The following BCAN variants were observed in gnomAD, a reference collection of about 807,000 sequenced individuals.
The protein encoded by BCAN is brevican core protein.
A neutral mutation model predicts 92.4 loss-of-function variants in BCAN; 51 were observed. The observed-to-expected ratio is 0.55, with a 90% confidence interval of 0.44 to 0.70. The LOEUF (loss-of-function observed/expected upper bound fraction) is 0.70. Among genes scored for constraint, BCAN ranks in the 30% least tolerant of loss-of-function variants. The probability of loss-of-function intolerance (pLI) is 0.00; values close to 1 mark genes in which losing one functional copy is unlikely to be tolerated. For missense variants in BCAN, 1,140 were observed against 1,212.1 expected (o/e 0.94, Z 0.88); for synonymous variants, 501 against 505.2 (o/e 0.99, Z 0.11).
intron 8 of BCAN, among the ~76,000 whole-genome samples, chr1:156,655,000 G>C (rs1288047026): frequency 2.0e-5 from 3 of 152,260 alleles, no homozygotes. Context: ...CCACCAGGCA[G>C]TGGGACCTGT....
intron 8 of BCAN, among the ~76,000 whole-genome samples, chr1:156,655,805 C>CTGT (rs1202028106): frequency 5.3e-5 from 8 of 152,218 alleles, no homozygotes; most frequent in Non-Finnish European, 8.8e-5. Context: ...CACTTCCATT[C>CTGT]ATTCCACCTG....
chr1:156,652,073 A>G (rs867568048), intron 7 of BCAN, among the ~76,000 whole-genome samples, 175 bp from the exon 8 acceptor site: 1 of 152,156 alleles, frequency 6.6e-6, no homozygotes, highest in African/African-American at 2.4e-5. Flanking sequence ...CCTCAACAAT[A>G]TGGCTGGGGT....
intron 2 of BCAN, 39 bp from the exon 3 acceptor site, chr1:156,646,762 C>G (rs1007170214): frequency 2.6e-6 from 4 of 1,513,302 alleles, no homozygotes; most frequent in South Asian, 2.7e-5. Flanking sequence ...CTCTGAGGGT[C>G]GACAGCGTTA....
In BCAN at chr1:156,652,271, C is replaced by G; in HGVS notation, c.1321C>G (p.Pro441Ala). The part of the protein sequence containing the change: ...LLEFETQSMV[P>A]PTGFSEEEGK... ...AGAATTTGAAACACAATCCATGGTACCGCCCACGGGGTTCTCAGAAGAGGA... is the reference window on the plus strand; with the variant it reads ...AGAATTTGAAACACAATCCATGGTAGCGCCCACGGGGTTCTCAGAAGAGGA... Residue 441 changes from proline to alanine, a missense_variant, in exon 8 of 14, where the codon CCG (proline) becomes GCG (alanine). Coordinates refer to ENST00000329117, the MANE Select transcript of BCAN (RefSeq NM_021948.5). 6.2e-7 allele frequency: 1 copy of G among 1,601,658 alleles called. No individual in the cohort carries two copies. The highest frequency in any genetic ancestry group is 8.5e-7 in the Non-Finnish European group (1 of 1,174,480).
chr1:156,651,594 C>A lies in BCAN; in HGVS notation c.1202C>A (p.Ser401Tyr). Residue 401 changes from serine to tyrosine, a missense_variant, in exon 7 of 14, where the codon TCC (serine) becomes TAC (tyrosine). Around this residue, in one of 3 missense-constraint regions of BCAN, gnomAD observed 825 missense variants for 871.8 expected, o/e 0.95. Transcript: ENST00000329117. ...QLPQEATESE[S>Y]RGAIYSIPIM... is the part of the protein sequence containing the mutation. Reference sequence around the variant, plus strand: ...CCTCAGGAAGCCACAGAGAGTGAATCCCGTGGGGCCATCTACTCCATCCCC... The same window carrying A: ...CCTCAGGAAGCCACAGAGAGTGAATACCGTGGGGCCATCTACTCCATCCCC... 6.2e-7 allele frequency: 1 copy of A among 1,613,940 alleles called. No homozygotes were observed. The highest frequency in any genetic ancestry group is 1.1e-5 in the South Asian group (1 of 91,076).
chr1:156,650,431 T>G (rs941063858), intron 6 of BCAN, among the ~76,000 whole-genome samples: 1 of 152,174 alleles, frequency 6.6e-6, no homozygotes, highest in African/African-American at 2.4e-5. Flanking sequence ...CTTAGCCCAA[T>G]TCCACCTTCA....
Position 156,647,840 on chromosome 1 carries a change from A to C in BCAN, c.642-143A>C, listed in dbSNP as rs1468777446. 6.5e-7 allele frequency: 1 copy of C among 1,534,478 alleles called. No homozygotes were observed. On this transcript the variant is annotated intron_variant, in intron 4 of 13. Coordinates refer to ENST00000329117, the MANE Select transcript of BCAN (RefSeq NM_021948.5). The surrounding 1 kb of genome is among the most constrained non-coding windows in gnomAD (Gnocchi z 4.8). ...AGGAGGGGAGGTGAGGACCCTGAGCATGTGCATCCCTGCAGTGCTAGAAGG... is the reference window on the plus strand; with the variant it reads ...AGGAGGGGAGGTGAGGACCCTGAGCCTGTGCATCCCTGCAGTGCTAGAAGG...
In BCAN at chr1:156,658,344, T is replaced by C; in HGVS notation, c.2437+73T>C. 1 of 1,572,110 alleles carries C rather than the reference T, an allele frequency of 6.4e-7. No individual in the cohort carries two copies. The highest frequency in any genetic ancestry group is 2.2e-5 in the East Asian group (1 of 44,568). On this transcript the variant is annotated intron_variant, in intron 12 of 13. Coordinates refer to ENST00000329117, the MANE Select transcript of BCAN (RefSeq NM_021948.5). This position sits in a 1 kb window ranked among gnomAD's most constrained non-coding sequence, Gnocchi z 4.4. ...CTAGGGGACCAGAGGGACTGATGTT[T>C]GTAGACAGAGAGTGCAAAGCAACAT... is the stretch of plus-strand genomic sequence containing the variant.
At chr1:156,657,590 A>G (rs1014124227) in intron 10 of BCAN, 85 bp from the exon 11 acceptor site, 6 of 1,117,244 alleles carry the variant, frequency 5.4e-6, no homozygotes, top group Non-Finnish European at 7.8e-6. Context: ...AGGGTTTCCA[A>G]GGCAGTCACC....
chr1:156,653,587 G>C (rs1457376483), intron 8 of BCAN: 2 of 962,856 alleles, frequency 2.1e-6, no homozygotes, highest in East Asian at 1.2e-4. Context: ...CCCTGTCTCT[G>C]TGTGTGTCTT....
In BCAN at chr1:156,648,706, C is replaced by T. The variant is rs771470338; in HGVS notation, c.908C>T (p.Pro303Leu). Residue 303 changes from proline to leucine, a missense_variant, in exon 6 of 14, where the codon CCA becomes CTA. Pro to Leu is a moderately conservative substitution (Grantham distance 98). This residue lies in a region of BCAN where 825 missense variants were observed against 871.8 expected (regional missense o/e 0.95). Transcript: ENST00000329117. Reference sequence around the variant, plus strand: ...GATGGTGGCCTGGACCACTGCAGCCCAGGGTGGCTAGCTGATGGCAGTGTG... The same window carrying T: ...GATGGTGGCCTGGACCACTGCAGCCTAGGGTGGCTAGCTGATGGCAGTGTG... ...AWDGGLDHCS[P>L]GWLADGSVRY... The T allele has an allele frequency of 3.7e-6, 6 of 1,613,752 alleles. No individual in the cohort carries two copies. Among genetic ancestry groups the T allele is most frequent in the Non-Finnish European group, 4.2e-6 (5 of 1,179,702 alleles).
At position 156,658,343 on chromosome 1, in the gene BCAN, T is replaced by C. The variant is rs1679410124; in HGVS notation, c.2437+72T>C. 6.4e-7 allele frequency: 1 copy of C among 1,572,730 alleles called. No homozygotes were observed. Among genetic ancestry groups the C allele is most frequent in the Non-Finnish European group, 8.7e-7 (1 of 1,156,008 alleles). ...GCTAGGGGACCAGAGGGACTGATGT[T>C]TGTAGACAGAGAGTGCAAAGCAACA... On this transcript the variant is annotated intron_variant, in intron 12 of 13. Transcript: ENST00000329117. The surrounding 1 kb of genome is among the most constrained non-coding windows in gnomAD (Gnocchi z 4.4).
At chr1:156,651,418 CT>C in intron 6 of BCAN, 37 bp from the exon 7 acceptor site, 1 of 1,549,186 alleles carries the variant, frequency 6.5e-7, no homozygotes, top group East Asian at 2.3e-5. Flanking sequence ...GCAGAGCTAC[CT>C]ATTCAGGCTC....
chr1:156,658,903 T>C lies in BCAN; in HGVS notation c.2629-124T>C. The C allele has an allele frequency of 7.6e-7, 1 of 1,315,446 alleles. No individual in the cohort carries two copies. The highest frequency in any genetic ancestry group is 1.1e-6 in the Non-Finnish European group (1 of 947,060). 81.5% of individuals were successfully genotyped at this position (1,315,446 alleles called of 1,614,324 possible). A position where few individuals can be genotyped will look rare whatever the true frequency, so the allele number is the denominator to read the frequency against. ...GGAGGCTCTGGGGTTCCTTCAGTGC[T>C]GATGTCTGATAACATGCAGCCCCAT... On this transcript the variant is annotated intron_variant, in intron 13 of 13. Coordinates refer to ENST00000329117, the MANE Select transcript of BCAN (RefSeq NM_021948.5). The surrounding 1 kb of genome is among the most constrained non-coding windows in gnomAD (Gnocchi z 4.4).
chr1:156,657,108 G>C lies in BCAN; in HGVS notation c.2209+12G>C. The stretch of plus-strand genomic sequence containing the variant: ...GGACTTCATCAACAGTGGGCTGGGA[G>C]ACAGGGCGGGAGGGGCCCCTGCCAT... On this transcript the variant is annotated intron_variant, in intron 10 of 13. Coordinates refer to ENST00000329117, the MANE Select transcript of BCAN (RefSeq NM_021948.5). The C allele has an allele frequency of 6.2e-7, 1 of 1,606,546 alleles. No homozygotes were observed. Among genetic ancestry groups the C allele is most frequent in the Non-Finnish European group, 8.5e-7 (1 of 1,174,488 alleles).
In BCAN at chr1:156,647,887, T is replaced by C. The variant is rs761537667; in HGVS notation, c.642-96T>C. 1.9e-6 allele frequency: 3 copies of C among 1,576,832 alleles called. 1 individual carries two copies. The South Asian group carries it at 3.3e-5, about 18-fold the overall frequency. ...AAGGACAGCCAGCTGTCAGCAAGTG[T>C]CTGCACTGTGGTGGCAGTGGGGTTC... On this transcript the variant is annotated intron_variant, in intron 4 of 13. Coordinates refer to ENST00000329117, the MANE Select transcript of BCAN (RefSeq NM_021948.5). The surrounding 1 kb of genome is among the most constrained non-coding windows in gnomAD (Gnocchi z 4.8).
At position 156,658,891 on chromosome 1, in the gene BCAN, T is replaced by C. The variant is rs1426129087; in HGVS notation, c.2629-136T>C. On this transcript the variant is annotated intron_variant, in intron 13 of 13. Coordinates refer to ENST00000329117, the MANE Select transcript of BCAN (RefSeq NM_021948.5). The surrounding 1 kb of genome is among the most constrained non-coding windows in gnomAD (Gnocchi z 4.4). ...AAGAGGTGGGCTGGAGGCTCTGGGG[T>C]TCCTTCAGTGCTGATGTCTGATAAC... 6.0e-6 allele frequency: 8 copies of C among 1,331,516 alleles called. No homozygotes were observed. The highest frequency in any genetic ancestry group is 8.3e-6 in the Non-Finnish European group (8 of 961,876). The allele number at this position is 1,331,516 out of a possible 1,614,324, so 82.5% of individuals were successfully genotyped here. A position where few individuals can be genotyped will look rare whatever the true frequency, so the allele number is the denominator to read the frequency against.
Position 156,656,270 on chromosome 1 carries a change from T to A in BCAN, c.1943-12T>A, listed in dbSNP as rs967677644. 6.8e-7 allele frequency: 1 copy of A among 1,472,152 alleles called. No homozygotes were observed. Among genetic ancestry groups the A allele is most frequent in the Non-Finnish European group, 8.9e-7 (1 of 1,121,870 alleles). 91.2% of individuals were successfully genotyped at this position (1,472,152 alleles called of 1,614,324 possible). A position where few individuals can be genotyped will look rare whatever the true frequency, so the allele number is the denominator to read the frequency against. ...CCTCGCTCCCCCCGCCTCACTTCTT[T>A]CCCCCTCTCAGGTGACTGTGTCCCC... On this transcript the variant is annotated splice_polypyrimidine_tract_variant and intron_variant, in intron 8 of 13. Transcript: ENST00000329117.
At chr1:156,646,217 C>G in intron 2 of BCAN, 72 bp downstream of exon 2, 1 of 1,446,744 alleles carries the variant, frequency 6.9e-7, no homozygotes, top group South Asian at 1.2e-5. Flanking sequence ...GGCTTAGGGG[C>G]CCCAGGAAGA....
Sources: gnomAD v4.1 joint callset for allele counts (sites outside exome capture counted in the v4.1 genomes callset) on GRCh38, gnomAD v4.1.1 for gene constraint, gnomAD v4.1.1 regional missense constraint, Gnocchi (gnomAD v3.1) non-coding constraint, MANE v1.5 for transcripts, NCBI Gene and HGNC (gene_info 2026-07-23, HGNC 2026-07-21) for gene names.